The following TESPA1 variants were observed in gnomAD, a reference collection of about 807,000 sequenced individuals.
TESPA1 encodes protein TESPA1.
In TESPA1, 33 loss-of-function variants were observed where a neutral mutation model predicts 57.9. That is an observed-to-expected ratio of 0.57 (90% CI 0.43 to 0.76). The LOEUF is 0.76. Among genes scored for constraint, TESPA1 ranks in the 30% least tolerant of loss-of-function variants. The pLI is 0.00. For missense variants in TESPA1, 618 were observed against 632.9 expected (o/e 0.98, Z 0.25); for synonymous variants, 227 against 228.9 (o/e 0.99, Z 0.07).
chr12:54,952,469 A>C (rs1159762316), intron 10 of TESPA1, among the ~76,000 whole-genome samples: 1 of 152,234 alleles, frequency 6.6e-6, no homozygotes, highest in Non-Finnish European at 1.5e-5. Flanking sequence ...GTACAGTGTT[A>C]ATCTTGACTT....
At chr12:54,957,648 G>A (rs1463847744) in intron 10 of TESPA1, among the ~76,000 whole-genome samples, 2 of 152,180 alleles carry the variant, frequency 1.3e-5, no homozygotes, top group Admixed American at 1.3e-4. Context: ...GGGAACTACT[G>A]TGACCCCTTC....
chr12:54,966,049 C>T lies in TESPA1; in HGVS notation c.446+4G>A, dbSNP rs1409720438. On this transcript the variant is annotated splice_donor_region_variant and intron_variant, in intron 7 of 10. Coordinates refer to ENST00000449076, the MANE Select transcript of TESPA1 (RefSeq NM_001136030.3). ...CTTCCACCCTGCCAAACTTCAGTACCTACCTTGAACTAGTCTTGTTGGTCC... is the reference window on the plus strand; with the variant it reads ...CTTCCACCCTGCCAAACTTCAGTACTTACCTTGAACTAGTCTTGTTGGTCC... The T allele has an allele frequency of 3.2e-6, 5 of 1,566,098 alleles. No homozygotes were observed. In the African/African-American group the frequency reaches 5.4e-5, roughly 17 times the overall value.
rs34614777 is a variant in TESPA1, at chr12:54,956,651, G to T, written c.*1+4517C>A. Among the ~76,000 whole-genome samples the T allele has an allele frequency of 7.2e-3, 1,103 of 152,282 alleles. 16 individuals carry two copies. Among genetic ancestry groups the T allele is most frequent in the African/African-American group, 0.026 (1,068 of 41,542 alleles). On this transcript the variant is annotated intron_variant, in intron 10 of 10. Coordinates refer to ENST00000449076, the MANE Select transcript of TESPA1 (RefSeq NM_001136030.3). ...AGAAAGCTGTTGGCTGCGGGTCAAG[G>T]TCCTCTTTTAATAGAAAAGGTGCCT...
chr12:54,967,749 G>A, intron 4 of TESPA1, 94 bp downstream of exon 4: 1 of 1,431,690 alleles, frequency 7.0e-7, no homozygotes, highest in Admixed American at 1.9e-5. Flanking sequence ...GCATGCCTAT[G>A]CATGTATATG....
In TESPA1 at chr12:54,963,122, T is replaced by C. The variant is rs371944624; in HGVS notation, c.776A>G (p.Asn259Ser). 2.5e-5 allele frequency: 40 copies of C among 1,613,758 alleles called. No homozygotes were observed. In the African/African-American group the frequency reaches 2.8e-4, roughly 11 times the overall value. Reference sequence around the variant, plus strand: ...GATGGATGGCACATCAGTTGGATGGTTGCAATTCCAGAACATGTGGGATGG... The same window carrying C: ...GATGGATGGCACATCAGTTGGATGGCTGCAATTCCAGAACATGTGGGATGG... ...FTPSHMFWNC[N>S]HPTDVPSIRI... Residue 259 changes from asparagine to serine, a missense_variant, in exon 9 of 11, where the codon AAC (asparagine) becomes AGC (serine). By Grantham distance (46) the Asn-to-Ser change is conservative. Around this residue, in one of 3 missense-constraint regions of TESPA1, gnomAD observed 409 missense variants for 420.1 expected, o/e 0.97. Coordinates refer to ENST00000449076, the MANE Select transcript of TESPA1 (RefSeq NM_001136030.3).
At chr12:54,982,423 T>C (rs1952354681) in intron 1 of TESPA1, among the ~76,000 whole-genome samples, 1 of 152,236 alleles carries the variant, frequency 6.6e-6, no homozygotes, top group Non-Finnish European at 1.5e-5. Flanking sequence ...TCATACTCTT[T>C]CTCCCACAAA....
At chr12:54,956,294 G>A (rs955764881) in intron 10 of TESPA1, among the ~76,000 whole-genome samples, 1 of 152,018 alleles carries the variant, frequency 6.6e-6, no homozygotes, top group African/African-American at 2.4e-5. Context: ...CCACCAGCAG[G>A]GGTGACCATA....
intron 3 of TESPA1, among the ~76,000 whole-genome samples, chr12:54,969,712 A>G (rs746321875): frequency 2.0e-5 from 3 of 152,212 alleles, no homozygotes; most frequent in Non-Finnish European, 2.9e-5. Context: ...AAACACACAT[A>G]AAACAGTACA....
At position 54,963,819 on chromosome 12, in the gene TESPA1, T is replaced by G; in HGVS notation, c.578A>C (p.Lys193Thr). The G allele has an allele frequency of 6.2e-7, 1 of 1,613,978 alleles. No homozygotes were observed. ...ARFFTTPSQA[K>T]GIDFQLFLKS... The stretch of plus-strand genomic sequence containing the variant: ...CAGGAAGAGCTGGAAATCAATGCCC[T>G]TGGCCTGAGAGGGGGTGGTGAAAAA... Residue 193 changes from lysine to threonine, a missense_variant, in exon 8 of 11, where the codon AAG becomes ACG. Around this residue, in one of 3 missense-constraint regions of TESPA1, gnomAD observed 409 missense variants for 420.1 expected, o/e 0.97. Transcript: ENST00000449076.
chr12:54,962,778 T>C lies in TESPA1; in HGVS notation c.1120A>G (p.Thr374Ala), dbSNP rs1238044114. Residue 374 changes from threonine (T) to alanine (A), a missense_variant, in exon 9 of 11, where the codon ACA becomes GCA. This residue lies in a region of TESPA1 where 409 missense variants were observed against 420.1 expected (regional missense o/e 0.97). Transcript: ENST00000449076. The stretch of plus-strand genomic sequence containing the variant: ...AGAGTTTGGGATGGTGCTAGCACTG[T>C]GGACATCCTCTGCTGTGTTTCCTCT... Reference protein sequence around the residue: ...CEEETQQRMSTVLAPSQTLDS... With the variant: ...CEEETQQRMSAVLAPSQTLDS... 6.2e-7 allele frequency: 1 copy of C among 1,613,934 alleles called. No individual in the cohort carries two copies. Among genetic ancestry groups the C allele is most frequent in the East Asian group, 2.2e-5 (1 of 44,852 alleles).
chr12:54,966,515 C>T (rs1026748984), intron 5 of TESPA1, 91 bp from the exon 6 acceptor site: 3 of 1,473,274 alleles, frequency 2.0e-6, no homozygotes, highest in Non-Finnish European at 2.8e-6. Context: ...TCAGTCCCCT[C>T]TGTTTCTTTT....
chr12:54,978,628 G>C (rs918198545), intron 1 of TESPA1, among the ~76,000 whole-genome samples: 1 of 152,192 alleles, frequency 6.6e-6, no homozygotes, highest in Non-Finnish European at 1.5e-5. Flanking sequence ...TGGTGAGCCT[G>C]AACAGGAAGG....
intron 1 of TESPA1, among the ~76,000 whole-genome samples, chr12:54,979,167 G>A (rs774969379): frequency 1.3e-5 from 2 of 152,028 alleles, no homozygotes; most frequent in African/African-American, 4.8e-5. Flanking sequence ...ACCCAAGTCT[G>A]ACTTAATTTA....
chr12:54,974,893 C>G (rs1349178956), intron 1 of TESPA1, among the ~76,000 whole-genome samples: 1 of 152,218 alleles, frequency 6.6e-6, no homozygotes, highest in African/African-American at 2.4e-5. Context: ...TAAAGAATCT[C>G]TATTTCTCAG....
Position 54,949,631 on chromosome 12 carries a change from AT to A in TESPA1, c.*760del. ...TAGTTAACTTTAAAAACATGCCATG[AT>A]TTAAAAAAAATATTTGTATTGTTTT... On this transcript the variant is annotated 3_prime_UTR_variant, in exon 11 of 11. Coordinates refer to ENST00000449076, the MANE Select transcript of TESPA1 (RefSeq NM_001136030.3). 1 of 152,600 alleles carries A rather than the reference AT, an allele frequency of 6.6e-6. No homozygotes were observed. The highest frequency in any genetic ancestry group is 3.4e-3 in the Middle Eastern group (1 of 294). The allele number at this position is 152,600 out of a possible 1,614,324, so 9.5% of individuals were successfully genotyped here. A position where few individuals can be genotyped will look rare whatever the true frequency, so the allele number is the denominator to read the frequency against.
At chr12:54,966,290 T>C in intron 6 of TESPA1, 98 bp downstream of exon 6, 1 of 1,586,692 alleles carries the variant, frequency 6.3e-7, no homozygotes, top group Non-Finnish European at 8.7e-7. Flanking sequence ...CACTCTCTAA[T>C]GTGAATCTTT....
chr12:54,973,974 T>A, intron 2 of TESPA1: 2 of 894,006 alleles, frequency 2.2e-6, no homozygotes, highest in Non-Finnish European at 2.7e-6. Context: ...AAGGTACTAC[T>A]ACTTCAATTG....
Position 54,961,243 on chromosome 12 carries a change from G to C in TESPA1, c.1492C>G (p.Gln498Glu), listed in dbSNP as rs753139736. Residue 498 changes from glutamine (Q) to glutamate (E), a missense_variant, in exon 10 of 11, where the codon CAG (glutamine) becomes GAG (glutamate). Around this residue, in one of 3 missense-constraint regions of TESPA1, gnomAD observed 409 missense variants for 420.1 expected, o/e 0.97. Coordinates refer to ENST00000449076, the MANE Select transcript of TESPA1 (RefSeq NM_001136030.3). ...CTGCTGGGCCAGCGACTCTGACTCTGCTCCTCCTCACTGTTGCTTTGCACC... is the reference window on the plus strand; with the variant it reads ...CTGCTGGGCCAGCGACTCTGACTCTCCTCCTCCTCACTGTTGCTTTGCACC... The part of the protein sequence containing the change: ...EEVQSNSEEE[Q>E]SQSRWPSRPR... The C allele has an allele frequency of 6.2e-7, 1 of 1,613,932 alleles. No individual in the cohort carries two copies. The highest frequency in any genetic ancestry group is 8.5e-7 in the Non-Finnish European group (1 of 1,179,874).
intron 10 of TESPA1, among the ~76,000 whole-genome samples, chr12:54,954,949 C>A (rs1036767766): frequency 2.0e-5 from 3 of 152,080 alleles, no homozygotes; most frequent in Non-Finnish European, 4.4e-5. Flanking sequence ...GGATAATTAC[C>A]CAGAAATAGG....
Sources: allele counts gnomAD v4.1 joint callset (sites outside exome capture counted in the v4.1 genomes callset), GRCh38; gene constraint gnomAD v4.1.1; regional missense constraint gnomAD v4.1.1; transcripts MANE v1.5; gene names NCBI Gene and HGNC (gene_info 2026-07-23, HGNC 2026-07-21).